The following CDH18 variants were observed in gnomAD, a reference collection of about 807,000 sequenced individuals.
CDH18 encodes cadherin 18.
A neutral mutation model predicts 67.9 loss-of-function variants in CDH18; 31 were observed. The observed-to-expected ratio is 0.46, with a 90% CI of 0.34 to 0.62. The LOEUF (loss-of-function observed/expected upper bound fraction) is 0.62. Ranked by LOEUF, CDH18 falls within the 20% of genes least tolerant of loss-of-function variation. The probability of loss-of-function intolerance (pLI) is 0.01; values close to 1 mark genes in which losing one functional copy is unlikely to be tolerated. For synonymous variants in CDH18, 362 were observed against 347.2 expected (o/e 1.04, Z -0.48); for missense variants, 890 against 975.5 (o/e 0.91, Z 1.17).
At chr5:19,558,615 C>A (rs1360842156) in intron 8 of CDH18, among the ~76,000 whole-genome samples, 1 of 151,354 alleles carries the variant, frequency 6.6e-6, no homozygotes, top group Non-Finnish European at 1.5e-5. Context: ...AAACTCTGAA[C>A]AGACAAATAA....
At chr5:19,901,032 T>A (rs1789889971) in intron 2 of CDH18, among the ~76,000 whole-genome samples, 1 of 152,160 alleles carries the variant, frequency 6.6e-6, no homozygotes, top group Non-Finnish European at 1.5e-5. Context: ...TCTCTGAGAT[T>A]TAACTTACTC....
Position 20,102,796 on chromosome 5 carries a change from A to G in CDH18, c.-517-110782T>C, listed in dbSNP as rs575680015. Reference sequence around the variant, plus strand: ...TGAAAAGGATTTGTGAACAATCACAAGAGTCAAAATTCTTTAATTTAGCTG... The same window carrying G: ...TGAAAAGGATTTGTGAACAATCACAGGAGTCAAAATTCTTTAATTTAGCTG... On this transcript the variant is annotated intron_variant, in intron 2 of 14. Coordinates refer to the CDH18 transcript ENST00000507958. 2.6e-5 allele frequency among the ~76,000 whole-genome samples: 4 copies of G among 152,308 alleles called. No individual in the cohort carries two copies. In the East Asian group the frequency reaches 5.8e-4, roughly 22 times the overall value.
intron 6 of CDH18, among the ~76,000 whole-genome samples, chr5:19,595,321 C>T (rs1745994897): frequency 6.6e-6 from 1 of 152,020 alleles, no homozygotes; most frequent in East Asian, 1.9e-4. Flanking sequence ...AACTAGAAAA[C>T]ATGGATGAAA....
chr5:20,343,121 G>A (rs1740408196), intron 1 of CDH18, among the ~76,000 whole-genome samples: 1 of 152,124 alleles, frequency 6.6e-6, no homozygotes, highest in South Asian at 2.1e-4. Flanking sequence ...AGGCCAAGTG[G>A]CAGCACTCAA....
At chr5:20,183,225 T>A (rs1041486571) in intron 2 of CDH18, among the ~76,000 whole-genome samples, 2 of 152,032 alleles carry the variant, frequency 1.3e-5, no homozygotes, top group Non-Finnish European at 2.9e-5. Flanking sequence ...TTGTTATTAT[T>A]GGGATAAATT....
At chr5:19,678,258 AC>A (rs1759779616) in intron 5 of CDH18, among the ~76,000 whole-genome samples, 1 of 151,396 alleles carries the variant, frequency 6.6e-6, no homozygotes, top group South Asian at 2.1e-4. Context: ...AAAAAAAAAA[AC>A]ACTGAAATCA....
chr5:19,612,382 C>G, intron 6 of CDH18, 52 bp downstream of exon 6: 15 of 1,556,264 alleles, frequency 9.6e-6, no homozygotes, highest in Non-Finnish European at 1.3e-5. Flanking sequence ...TTTCATTTTA[C>G]TTTACATAAA....
intron 2 of CDH18, among the ~76,000 whole-genome samples, chr5:19,856,940 A>C (rs777611629): frequency 1.3e-5 from 2 of 152,106 alleles, no homozygotes; most frequent in Non-Finnish European, 2.9e-5. Flanking sequence ...AACTTGAGGC[A>C]GGTTGGGCAA....
Position 19,538,977 on chromosome 5 carries a change from T to C in CDH18, c.1390+4892A>G, listed in dbSNP as rs77029250. Among the ~76,000 whole-genome samples the C allele has an allele frequency of 5.7e-3, 861 of 152,282 alleles. 11 individuals are homozygous for C. The highest frequency in any genetic ancestry group is 0.02 in the African/African-American group (813 of 41,556). On this transcript the variant is annotated intron_variant, in intron 9 of 12. Transcript: ENST00000382275. The stretch of plus-strand genomic sequence containing the variant: ...CCAGCTACCCTTCCAAAACAGAATA[T>C]ATTAGAAAATACTTGGGTAGCGTGG...
intron 2 of CDH18, among the ~76,000 whole-genome samples, chr5:20,133,338 A>G (rs1305317243): frequency 6.6e-6 from 1 of 152,198 alleles, no homozygotes; most frequent in African/African-American, 2.4e-5. Context: ...AAAAGACAAG[A>G]GAGTGTGTGC....
chr5:20,104,278 C>T (rs1746732703), intron 2 of CDH18, among the ~76,000 whole-genome samples: 1 of 151,966 alleles, frequency 6.6e-6, no homozygotes, highest in African/African-American at 2.4e-5. Flanking sequence ...GAACAAATGT[C>T]ATACATAAAT....
intron 2 of CDH18, among the ~76,000 whole-genome samples, chr5:20,045,076 A>G (rs1740788031): frequency 6.6e-6 from 1 of 152,124 alleles, no homozygotes; most frequent in Admixed American, 6.6e-5. Context: ...CCCTCTCTCT[A>G]CTGTAAACAT....
chr5:19,490,606 G>A (rs1270651452), intron 11 of CDH18, among the ~76,000 whole-genome samples: 1 of 151,286 alleles, frequency 6.6e-6, no homozygotes, highest in Admixed American at 6.6e-5. Flanking sequence ...GTAGAGACAG[G>A]GTTTCACCAT....
intron 1 of CDH18, among the ~76,000 whole-genome samples, chr5:20,344,625 T>C (rs9292925): frequency 0.23 from 34,647 of 151,846 alleles, 4,304 homozygotes; most frequent in East Asian, 0.37. Context: ...AGACTACAGT[T>C]CTCGGGAAAG....
rs910296364 is a variant in CDH18, at chr5:19,794,036, A to G, written c.228+44723T>C. On this transcript the variant is annotated intron_variant, in intron 3 of 12. Transcript: ENST00000382275. ...TATTTGATTATTTATGAATTAAATA[A>G]TTAATATCCTCTCTAAAATTTCAAG... Among the ~76,000 whole-genome samples the G allele has an allele frequency of 2.0e-5, 3 of 152,148 alleles. No individual in the cohort carries two copies. The South Asian group carries it at 6.2e-4, about 32-fold the overall frequency.
intron 1 of CDH18, among the ~76,000 whole-genome samples, chr5:20,276,808 G>C (rs1356338634): frequency 6.6e-6 from 1 of 152,114 alleles, no homozygotes; most frequent in African/African-American, 2.4e-5. Flanking sequence ...AGAGTCCCAG[G>C]CCTGGGAGTA....
At position 20,003,036 on chromosome 5, in the gene CDH18, C is replaced by T. The variant is rs151162477; in HGVS notation, c.-517-11022G>A. Among the ~76,000 whole-genome samples, 46 of 151,382 alleles carry T rather than the reference C, an allele frequency of 3.0e-4. 1 individual carries two copies. Among genetic ancestry groups the T allele is most frequent in the African/African-American group, 7.0e-4 (29 of 41,244 alleles). ...TCACAGTTTACATGCAAATTAATTA[C>T]GATGTGAACCTATTCAATCATTTTA... On this transcript the variant is annotated intron_variant, in intron 2 of 14. Coordinates refer to the CDH18 transcript ENST00000507958.
intron 2 of CDH18, among the ~76,000 whole-genome samples, chr5:19,891,643 CAGG>C (rs1260695277): frequency 1.3e-5 from 2 of 152,076 alleles, no homozygotes; most frequent in African/African-American, 4.8e-5. Flanking sequence ...GGATTATATT[CAGG>C]AGAAGATTCT....
chr5:20,174,186 C>T (rs1454010381), intron 2 of CDH18, among the ~76,000 whole-genome samples: 1 of 152,128 alleles, frequency 6.6e-6, no homozygotes, highest in Non-Finnish European at 1.5e-5. Context: ...CAAAATGCAT[C>T]GTTGTCAGTG....
Sources: gnomAD v4.1 joint callset for allele counts (sites outside exome capture counted in the v4.1 genomes callset) on GRCh38, gnomAD v4.1.1 for gene constraint, MANE v1.5 for transcripts, NCBI Gene and HGNC (gene_info 2026-07-23, HGNC 2026-07-21) for gene names.